Variants in NIPAL3 observed in about 807,000 individuals in gnomAD.
The protein encoded by NIPAL3 is NIPA-like protein 3.
NIPAL3 carries 41 observed loss-of-function variants against 47.2 expected under a neutral mutation model. That is an observed-to-expected ratio of 0.87 (90% CI 0.68 to 1.13). The LOEUF is 1.13. Ranked by LOEUF, NIPAL3 falls within the 50% of genes most tolerant of loss-of-function variation. The pLI is 0.00. For missense variants in NIPAL3, 449 were observed against 530.1 expected (o/e 0.85, Z 1.50); for synonymous variants, 194 against 209.6 (o/e 0.93, Z 0.64).
chr1:24,447,593 G>A (rs984534541), intron 5 of NIPAL3, among the ~76,000 whole-genome samples: 2 of 152,020 alleles, frequency 1.3e-5, no homozygotes, highest in African/African-American at 4.8e-5. Context: ...GAAAAAAGTA[G>A]AGACTTTGGA....
At position 24,440,260 on chromosome 1, in the gene NIPAL3, A is replaced by T; in HGVS notation, c.162+20A>T. Reference sequence around the variant, plus strand: ...CTCCAGGTAAGTTTCAGTTACCAGCACTGTCTGGGGACAGAGACACAGCAG... The same window carrying T: ...CTCCAGGTAAGTTTCAGTTACCAGCTCTGTCTGGGGACAGAGACACAGCAG... On this transcript the variant is annotated intron_variant, in intron 3 of 11. Transcript: ENST00000374399. 6.4e-7 allele frequency: 1 copy of T among 1,565,492 alleles called. No homozygotes were observed. The highest frequency in any genetic ancestry group is 1.4e-5 in the African/African-American group (1 of 73,180).
In NIPAL3 at chr1:24,449,420, C is replaced by T. The variant is rs773768558; in HGVS notation, c.395-61C>T. 23 of 1,577,502 alleles carry T rather than the reference C, an allele frequency of 1.5e-5. No homozygotes were observed. The highest frequency in any genetic ancestry group is 4.0e-5 in the African/African-American group (3 of 74,288). ...AAGCCTGTTTTTTCATGGCTGAGAA[C>T]GTGTACTGTATCTTGGGCCTGTTGT... On this transcript the variant is annotated intron_variant, in intron 5 of 11. Transcript: ENST00000374399. The surrounding 1 kb of genome is among the most constrained non-coding windows in gnomAD (Gnocchi z 4.5).
intron 2 of NIPAL3, 147 bp downstream of exon 2, chr1:24,419,787 G>A (rs1644238596): frequency 1.4e-6 from 1 of 694,990 alleles, no homozygotes; most frequent in African/African-American, 1.8e-5. Context: ...AAGGGAATGT[G>A]TAAGCAAAAG....
At chr1:24,444,467 C>T (rs752176118) in intron 4 of NIPAL3, among the ~76,000 whole-genome samples, 11 of 152,276 alleles carry the variant, frequency 7.2e-5, no homozygotes, top group African/African-American at 2.4e-4. Flanking sequence ...TTTCAAGCTA[C>T]GGATGGTTTT....
intron 2 of NIPAL3, among the ~76,000 whole-genome samples, chr1:24,423,291 T>C (rs1170237620): frequency 6.6e-6 from 1 of 152,362 alleles, no homozygotes; most frequent in East Asian, 1.9e-4. Flanking sequence ...CCTTAATTTA[T>C]GGAGATGACA....
At chr1:24,468,413 G>C (rs1426026043) in intron 11 of NIPAL3, among the ~76,000 whole-genome samples, 1 of 152,148 alleles carries the variant, frequency 6.6e-6, no homozygotes, top group Non-Finnish European at 1.5e-5. Flanking sequence ...AAGATTAAAG[G>C]CTTTGCCCTC....
intron 8 of NIPAL3, chr1:24,457,840 A>G (rs1397898902): frequency 9.4e-6 from 5 of 532,598 alleles, no homozygotes; most frequent in Non-Finnish European, 3.9e-6. Flanking sequence ...CCCGGTAAAC[A>G]TGAGCTGCTT....
intron 2 of NIPAL3, among the ~76,000 whole-genome samples, chr1:24,431,822 C>T (rs1055962727): frequency 4.6e-5 from 7 of 151,974 alleles, no homozygotes; most frequent in African/African-American, 1.7e-4. Flanking sequence ...GCTTCCTATG[C>T]GTTGTGGAAC....
intron 11 of NIPAL3, among the ~76,000 whole-genome samples, chr1:24,467,660 A>G (rs1646755263): frequency 6.6e-6 from 1 of 152,186 alleles, no homozygotes; most frequent in African/African-American, 2.4e-5. Flanking sequence ...TATTTGGAAC[A>G]GTATCTGCCA....
chr1:24,414,231 A>G (rs374622405), upstream of NIPAL3: 2 of 151,648 alleles, frequency 1.3e-5, no homozygotes, highest in South Asian at 2.1e-4. Context: ...TTTTTAGTAG[A>G]GACAGGGTTT....
intron 2 of NIPAL3, among the ~76,000 whole-genome samples, chr1:24,438,997 A>G (rs1409988668): frequency 6.6e-6 from 1 of 151,796 alleles, no homozygotes; most frequent in Non-Finnish European, 1.5e-5. Context: ...CAATCACAGC[A>G]TTGTTTTTTT....
chr1:24,464,227 C>T, intron 11 of NIPAL3, 107 bp downstream of exon 11: 1 of 765,976 alleles, frequency 1.3e-6, no homozygotes, highest in African/African-American at 1.8e-5. Flanking sequence ...TATCGTGTGA[C>T]TGTTCTCTCA....
chr1:24,431,823 G>A (rs1284560466), intron 2 of NIPAL3, among the ~76,000 whole-genome samples: 2 of 151,540 alleles, frequency 1.3e-5, no homozygotes, highest in East Asian at 1.9e-4. Flanking sequence ...CTTCCTATGC[G>A]TTGTGGAACA....
At chr1:24,423,444 C>T (rs993016272) in intron 2 of NIPAL3, among the ~76,000 whole-genome samples, 3 of 152,108 alleles carry the variant, frequency 2.0e-5, no homozygotes, top group African/African-American at 4.8e-5. Flanking sequence ...ATCGAGACCA[C>T]GGTGAAACCC....
chr1:24,454,020 A>G lies in NIPAL3; in HGVS notation c.637+516A>G, dbSNP rs1256472025. The G allele has an allele frequency of 2.1e-6, 1 of 468,198 alleles. No homozygotes were observed. The highest frequency in any genetic ancestry group is 3.9e-6 in the Non-Finnish European group (1 of 253,172). 29.0% of individuals were successfully genotyped at this position (468,198 alleles called of 1,614,324 possible). A position where few individuals can be genotyped will look rare whatever the true frequency, so the allele number is the denominator to read the frequency against. Reference sequence around the variant, plus strand: ...AATCAGCTTGAGGCTAGAACTGCATATTAATTTTTCCTTTTTTTTTTTTTT... The same window carrying G: ...AATCAGCTTGAGGCTAGAACTGCATGTTAATTTTTCCTTTTTTTTTTTTTT... On this transcript the variant is annotated intron_variant, in intron 7 of 11. Coordinates refer to ENST00000374399, the MANE Select transcript of NIPAL3 (RefSeq NM_020448.5). This position sits in a 1 kb window ranked among gnomAD's most constrained non-coding sequence, Gnocchi z 4.1.
intron 1 of NIPAL3, among the ~76,000 whole-genome samples, chr1:24,418,600 C>T (rs1323089122): frequency 1.3e-5 from 2 of 152,124 alleles, no homozygotes; most frequent in Admixed American, 6.6e-5. Context: ...GAGTGAGATT[C>T]TGTCTCCAAA....
intron 5 of NIPAL3, among the ~76,000 whole-genome samples, chr1:24,448,060 G>A (rs968673604): frequency 6.6e-6 from 1 of 152,216 alleles, no homozygotes; most frequent in African/African-American, 2.4e-5. Context: ...GAGTTTAACC[G>A]TGGCTCATTC....
chr1:24,462,795 A>G (rs1358458674), intron 10 of NIPAL3, among the ~76,000 whole-genome samples: 1 of 151,332 alleles, frequency 6.6e-6, no homozygotes. Context: ...ACTAATACAT[A>G]CAATAAAGAA....
intron 2 of NIPAL3, among the ~76,000 whole-genome samples, chr1:24,436,840 C>T (rs900646116): frequency 5.3e-5 from 8 of 152,056 alleles, no homozygotes; most frequent in Non-Finnish European, 8.8e-5. Flanking sequence ...TTTAGTTGTA[C>T]ATAGCAGGAA....
Sources: gnomAD v4.1 joint callset for allele counts (sites outside exome capture counted in the v4.1 genomes callset) on GRCh38, gnomAD v4.1.1 for gene constraint, Gnocchi (gnomAD v3.1) non-coding constraint, MANE v1.5 for transcripts, NCBI Gene and HGNC (gene_info 2026-07-23, HGNC 2026-07-21) for gene names.